The following GPM6A variants were observed in gnomAD, a reference collection of about 807,000 sequenced individuals.
The protein encoded by GPM6A is glycoprotein M6A.
Under a neutral mutation model 32.1 loss-of-function variants are expected in GPM6A, and 7 were observed. That is an observed-to-expected ratio of 0.22 (90% CI 0.12 to 0.41). The LOEUF (loss-of-function observed/expected upper bound fraction) is 0.41. Among genes scored for constraint, GPM6A ranks in the 10% least tolerant of loss-of-function variants. The pLI, the probability that GPM6A is intolerant of heterozygous loss-of-function variation, is 1.00. For missense variants in GPM6A, 235 were observed against 347.2 expected (o/e 0.68, Z 2.57); for synonymous variants, 130 against 123.4 (o/e 1.05, Z -0.35).
At chr4:175,880,766 C>A (rs1579592546) in intron 1 of GPM6A, among the ~76,000 whole-genome samples, 1 of 152,260 alleles carries the variant, frequency 6.6e-6, no homozygotes, top group East Asian at 1.9e-4. Context: ...AGTTGCTTAT[C>A]AGCTTAAGGA....
intron 1 of GPM6A, among the ~76,000 whole-genome samples, chr4:175,987,374 T>C (rs1741006428): frequency 6.6e-6 from 1 of 152,178 alleles, no homozygotes; most frequent in Non-Finnish European, 1.5e-5. Flanking sequence ...AACACATGAC[T>C]ACAGTGTGTA....
At position 175,870,402 on chromosome 4, in the gene GPM6A, C is replaced by T. The variant is rs527576877; in HGVS notation, c.-22-58153G>A. On this transcript the variant is annotated intron_variant, in intron 1 of 7. Coordinates refer to the GPM6A transcript ENST00000280187. ...ACCTTGTTGACACTGAACATTCAAC[C>T]ATCAGGTTTCCTTTATTCACTCAAA... is the stretch of plus-strand genomic sequence containing the variant. 1.1e-3 allele frequency among the ~76,000 whole-genome samples: 162 copies of T among 152,262 alleles called. No homozygotes were observed. In the Middle Eastern group the frequency reaches 0.014, roughly 13 times the overall value.
At chr4:175,724,494 G>T (rs552391119) in intron 1 of GPM6A, among the ~76,000 whole-genome samples, 2 of 152,130 alleles carry the variant, frequency 1.3e-5, no homozygotes, top group Non-Finnish European at 2.9e-5. Flanking sequence ...GCAGTAAGCC[G>T]AGACTGTGCC....
At chr4:175,854,269 G>A (rs1234371048) in intron 1 of GPM6A, among the ~76,000 whole-genome samples, 1 of 152,170 alleles carries the variant, frequency 6.6e-6, no homozygotes, top group Admixed American at 6.6e-5. Context: ...CAGAGTAGAG[G>A]TGTTTCATCC....
intron 1 of GPM6A, among the ~76,000 whole-genome samples, chr4:175,877,899 A>G (rs1189364840): frequency 2.0e-5 from 3 of 152,230 alleles, no homozygotes; most frequent in Non-Finnish European, 4.4e-5. Flanking sequence ...CTGTAAAATC[A>G]AAGCAAGTTA....
chr4:175,850,344 G>A (rs1235490796), intron 1 of GPM6A, among the ~76,000 whole-genome samples: 1 of 152,150 alleles, frequency 6.6e-6, no homozygotes, highest in Non-Finnish European at 1.5e-5. Context: ...GGAAAAAATG[G>A]AACATTTTGT....
intron 2 of GPM6A, among the ~76,000 whole-genome samples, chr4:175,684,808 A>AGATCT (rs2111017831): frequency 6.6e-6 from 1 of 152,268 alleles, no homozygotes; most frequent in Non-Finnish European, 1.5e-5. Flanking sequence ...TTGTAAGATT[A>AGATCT]GATCTCTCAT....
upstream of GPM6A, chr4:175,812,325 T>TTG: frequency 7.2e-7 from 1 of 1,393,426 alleles, no homozygotes; most frequent in Non-Finnish European, 9.3e-7. Flanking sequence ...TTTTTTTTTT[T>TTG]TTTTTTTTTT....
intron 1 of GPM6A, among the ~76,000 whole-genome samples, chr4:175,978,699 C>A (rs1331780153): frequency 6.6e-6 from 1 of 152,202 alleles, no homozygotes; most frequent in African/African-American, 2.4e-5. Context: ...GGCTTAGCTG[C>A]ATATTGGATT....
intron 2 of GPM6A, among the ~76,000 whole-genome samples, chr4:175,683,640 T>C (rs1465557204): frequency 6.6e-6 from 1 of 151,964 alleles, no homozygotes; most frequent in Admixed American, 6.6e-5. Flanking sequence ...CTTAAAAGTG[T>C]GTAAGTGTGT....
rs377484316 is a variant in GPM6A at position 175,875,560 on chromosome 4, T to C, written c.-22-63311A>G. ...CAAGTGTAATGAACTACATGATGAC[T>C]ATTTTCCACATTTTACTTTTTTATA... On this transcript the variant is annotated intron_variant, in intron 1 of 7. Transcript: ENST00000280187. 1.4e-4 allele frequency among the ~76,000 whole-genome samples: 21 copies of C among 152,300 alleles called. No individual in the cohort carries two copies. In the East Asian group the frequency reaches 3.7e-3, roughly 27 times the overall value.
At position 175,855,179 on chromosome 4, in the gene GPM6A, T is replaced by C. The variant is rs1248847479; in HGVS notation, c.-22-42930A>G. Among the ~76,000 whole-genome samples, 5 of 152,122 alleles carry C rather than the reference T, an allele frequency of 3.3e-5. No individual in the cohort carries two copies. The East Asian group carries it at 9.6e-4, about 29-fold the overall frequency. On this transcript the variant is annotated intron_variant, in intron 1 of 7. Transcript: ENST00000280187. ...GCAGGCAATCAAAAATTACTATGCATACAATGAAGTAGGAAAATATACTCT... is the reference window on the plus strand; with the variant it reads ...GCAGGCAATCAAAAATTACTATGCACACAATGAAGTAGGAAAATATACTCT...
At chr4:175,741,606 C>G (rs1731890542) in intron 1 of GPM6A, among the ~76,000 whole-genome samples, 1 of 152,060 alleles carries the variant, frequency 6.6e-6, no homozygotes, top group Non-Finnish European at 1.5e-5. Context: ...TAAATAGGTT[C>G]TACACACTAC....
intron 1 of GPM6A, among the ~76,000 whole-genome samples, chr4:175,847,245 A>C (rs1224279791): frequency 2.0e-5 from 3 of 152,174 alleles, no homozygotes; most frequent in Non-Finnish European, 4.4e-5. Flanking sequence ...CCATTAAAGC[A>C]AATTCCTTTC....
intron 1 of GPM6A, among the ~76,000 whole-genome samples, chr4:175,744,030 T>C (rs1160740215): frequency 6.6e-6 from 1 of 150,806 alleles, no homozygotes; most frequent in Admixed American, 6.6e-5. Context: ...ACTGACCAAA[T>C]TGACATTCAT....
intron 1 of GPM6A, among the ~76,000 whole-genome samples, chr4:175,890,092 A>G (rs1340354837): frequency 2.6e-5 from 4 of 152,232 alleles, no homozygotes; most frequent in African/African-American, 9.6e-5. Context: ...AGATAAAAGC[A>G]CATGAAAATA....
intron 1 of GPM6A, among the ~76,000 whole-genome samples, chr4:175,991,954 C>G (rs1385243939): frequency 6.6e-6 from 1 of 151,616 alleles, no homozygotes; most frequent in African/African-American, 2.4e-5. Flanking sequence ...TAAAATGATT[C>G]CATCATAACA....
chr4:175,878,132 T>C (rs1737144918), intron 1 of GPM6A, among the ~76,000 whole-genome samples: 1 of 152,212 alleles, frequency 6.6e-6, no homozygotes, highest in Non-Finnish European at 1.5e-5. Context: ...TCTGCCCCTG[T>C]AGCTTTGCAG....
intron 1 of GPM6A, among the ~76,000 whole-genome samples, chr4:175,968,072 CAAAT>C (rs1224751513): frequency 6.6e-6 from 1 of 151,492 alleles, no homozygotes; most frequent in Non-Finnish European, 1.5e-5. Context: ...AAAGAATAGA[CAAAT>C]AAATCAATGG....
Sources: allele counts gnomAD v4.1 joint callset (sites outside exome capture counted in the v4.1 genomes callset), GRCh38; gene constraint gnomAD v4.1.1; transcripts MANE v1.5; gene names NCBI Gene and HGNC (gene_info 2026-07-23, HGNC 2026-07-21).